The following PTN variants were observed in gnomAD, a reference collection of about 807,000 sequenced individuals.
PTN encodes heparin affin regulatory protein.
In PTN, 18 loss-of-function variants were observed where a neutral mutation model predicts 24.1. The ratio of observed to expected loss-of-function variants is 0.75; its 90% CI spans 0.52 to 1.11. The LOEUF is 1.11. Among genes scored for constraint, PTN ranks in the 50% least tolerant of loss-of-function variants. PTN has a pLI of 0.00. For synonymous variants in PTN, 78 were observed against 68.6 expected (o/e 1.14, Z -0.67); for missense variants, 163 against 198.8 (o/e 0.82, Z 1.08).
intron 1 of PTN, among the ~76,000 whole-genome samples, 166 bp from the exon 2 acceptor site, chr7:137,255,140 A>T (rs1046867119): frequency 9.2e-5 from 14 of 152,362 alleles, no homozygotes; most frequent in Admixed American, 5.2e-4. Flanking sequence ...TCTTACCAAC[A>T]GCCATTGAAA....
intron 4 of PTN, among the ~76,000 whole-genome samples, chr7:137,242,229 CT>C (rs1808642971): frequency 6.6e-6 from 1 of 152,136 alleles, no homozygotes; most frequent in Non-Finnish European, 1.5e-5. Context: ...AGTTTCTGTT[CT>C]TTTGATCTTT....
chr7:137,264,972 A>ATTTT (rs34878730), intron 1 of PTN, among the ~76,000 whole-genome samples: 9 of 124,926 alleles, frequency 7.2e-5, no homozygotes, highest in South Asian at 5.2e-4. Flanking sequence ...TCCAACTGCC[A>ATTTT]TTTTTTTTTT....
intron 4 of PTN, among the ~76,000 whole-genome samples, chr7:137,245,047 A>T (rs1288637176): frequency 2.0e-5 from 3 of 152,208 alleles, no homozygotes; most frequent in Non-Finnish European, 4.4e-5. Context: ...ACTTGCCAAC[A>T]TCTTTATGTT....
At chr7:137,233,909 CAT>C (rs1292648470) in intron 4 of PTN, among the ~76,000 whole-genome samples, 12 of 147,202 alleles carry the variant, frequency 8.2e-5, no homozygotes, top group East Asian at 4.1e-4. Context: ...CACACACACA[CAT>C]ACATATATGT....
At chr7:137,229,174 T>C (rs536812415) in intron 4 of PTN, among the ~76,000 whole-genome samples, 2 of 151,972 alleles carry the variant, frequency 1.3e-5, no homozygotes, top group South Asian at 2.1e-4. Flanking sequence ...TACAATAGCA[T>C]GTGCTCAATT....
chr7:137,281,874 A>G (rs1358726021), intron 1 of PTN, among the ~76,000 whole-genome samples: 1 of 152,236 alleles, frequency 6.6e-6, no homozygotes, highest in African/African-American at 2.4e-5. Flanking sequence ...TATTTTCACA[A>G]TAACTTTAGA....
Position 137,227,937 on chromosome 7 carries a change from A to G in PTN, c.*83T>C. 4.6e-6 allele frequency: 7 copies of G among 1,521,436 alleles called. No individual in the cohort carries two copies. The South Asian group carries it at 9.3e-5, about 20-fold the overall frequency. 94.2% of individuals were successfully genotyped at this position (1,521,436 alleles called of 1,614,324 possible). The stretch of plus-strand genomic sequence containing the variant: ...ACTTAGCTATAGATAATTTTTGAAT[A>G]CAAAGCCTACGGTACATATAAATGC... On this transcript the variant is annotated 3_prime_UTR_variant, in exon 5 of 5. Coordinates refer to ENST00000348225, the MANE Select transcript of PTN (RefSeq NM_002825.7).
intron 1 of PTN, among the ~76,000 whole-genome samples, chr7:137,278,983 A>ATAATAATAAT (rs1554466685): frequency 1.4e-5 from 2 of 143,170 alleles, no homozygotes; most frequent in East Asian, 2.0e-4. Flanking sequence ...AATAATAATA[A>ATAATAATAAT]AATAAAGAAA....
chr7:137,232,643 C>T (rs953229822), intron 4 of PTN, among the ~76,000 whole-genome samples: 1 of 151,932 alleles, frequency 6.6e-6, no homozygotes, highest in African/African-American at 2.4e-5. Flanking sequence ...CAAGGAAATT[C>T]TTTGAATGCA....
Position 137,306,412 on chromosome 7 carries a change from C to T in PTN, c.-2+37027G>A, listed in dbSNP as rs201577648. ...AGAAGGATAAAGGAGGAGTGTTTTT[C>T]CTCAAATTCACCTCACTTCATGCTG... On this transcript the variant is annotated intron_variant, in intron 1 of 4. Transcript: ENST00000348225. Among the ~76,000 whole-genome samples the T allele has an allele frequency of 3.3e-4, 50 of 152,020 alleles. 1 individual carries two copies. The East Asian group carries it at 9.5e-3, about 29-fold the overall frequency.
chr7:137,264,320 A>G (rs1809098944), intron 1 of PTN, among the ~76,000 whole-genome samples: 1 of 152,208 alleles, frequency 6.6e-6, no homozygotes, highest in South Asian at 2.1e-4. Flanking sequence ...ATCCTACCTC[A>G]GTGACTTGAT....
chr7:137,267,604 T>C (rs1381902752), intron 1 of PTN, among the ~76,000 whole-genome samples: 1 of 152,134 alleles, frequency 6.6e-6, no homozygotes, highest in African/African-American at 2.4e-5. Context: ...CACCGTAATC[T>C]CCCTTAAATT....
At chr7:137,304,891 C>A (rs1809862361) in intron 1 of PTN, among the ~76,000 whole-genome samples, 2 of 151,946 alleles carry the variant, frequency 1.3e-5, no homozygotes, top group Admixed American at 1.3e-4. Flanking sequence ...TAAGGACTCC[C>A]ATAAAGTCCA....
intron 1 of PTN, among the ~76,000 whole-genome samples, chr7:137,258,225 T>C (rs545296073): frequency 6.6e-6 from 1 of 152,260 alleles, no homozygotes; most frequent in African/African-American, 2.4e-5. Context: ...AACTGAAATA[T>C]GAGCTGACTG....
chr7:137,288,313 C>A (rs1216827239), intron 1 of PTN, among the ~76,000 whole-genome samples: 1 of 152,118 alleles, frequency 6.6e-6, no homozygotes, highest in African/African-American at 2.4e-5. Context: ...GTTATACTGC[C>A]TCATTTTCCT....
intron 1 of PTN, among the ~76,000 whole-genome samples, chr7:137,304,851 GAA>G (rs1398854221): frequency 6.6e-6 from 1 of 151,862 alleles, no homozygotes; most frequent in Non-Finnish European, 1.5e-5. Flanking sequence ...GGAGCTGACA[GAA>G]AAAAGGCATT....
rs186725129 is a variant in PTN at position 137,248,459 on chromosome 7, G to T, written c.451+2771C>A. Among the ~76,000 whole-genome samples, 521 of 152,272 alleles carry T rather than the reference G, an allele frequency of 3.4e-3. 11 individuals carry two copies. Among genetic ancestry groups the T allele is most frequent in the Admixed American group, 0.031 (478 of 15,286 alleles). On this transcript the variant is annotated intron_variant, in intron 4 of 4. Transcript: ENST00000348225. The stretch of plus-strand genomic sequence containing the variant: ...CCAGCACTTTGGGAGGCCAAGGCGG[G>T]TGTATCATTTGAGGTCTGGAGTTCA...
At chr7:137,334,113 A>G (rs1810405933) in intron 1 of PTN, among the ~76,000 whole-genome samples, 1 of 152,050 alleles carries the variant, frequency 6.6e-6, no homozygotes, top group South Asian at 2.1e-4. Context: ...AGGCAATACC[A>G]TTCAGGACAT....
At chr7:137,332,584 C>T (rs933001540) in intron 1 of PTN, among the ~76,000 whole-genome samples, 6 of 152,140 alleles carry the variant, frequency 3.9e-5, no homozygotes, top group Non-Finnish European at 7.4e-5. Flanking sequence ...AGCATAGACA[C>T]CGGTTAAAAA....
Sources: allele counts gnomAD v4.1 joint callset (sites outside exome capture counted in the v4.1 genomes callset), GRCh38; gene constraint gnomAD v4.1.1; transcripts MANE v1.5; gene names NCBI Gene and HGNC (gene_info 2026-07-23, HGNC 2026-07-21).